Variants in PABPC4L observed in about 807,000 individuals in gnomAD.
The protein encoded by PABPC4L is poly(A) binding protein cytoplasmic 4 like.
For synonymous variants in PABPC4L, 169 were observed against 164.1 expected, an observed-to-expected ratio of 1.03 and a Z score of -0.23; for missense variants, 452 against 451.4, an observed-to-expected ratio of 1.00 and a Z score of -0.01.
chr4:134,164,211 C>T, the PABPC4L span, among the ~76,000 whole-genome samples: 8 of 131,098 alleles, frequency 6.1e-5, no homozygotes, highest in South Asian at 2.5e-4. Context: ...TGCAGTGAGC[C>T]GAGATCCCGC....
the PABPC4L span, among the ~76,000 whole-genome samples, chr4:134,075,988 G>A: frequency 6.6e-6 from 1 of 151,424 alleles, no homozygotes; most frequent in Non-Finnish European, 1.5e-5. Flanking sequence ...AAATGAACAG[G>A]GCAATCATTT....
the PABPC4L span, among the ~76,000 whole-genome samples, chr4:134,069,230 C>T: frequency 2.6e-5 from 4 of 151,690 alleles, no homozygotes; most frequent in African/African-American, 9.7e-5. Context: ...GTAACATGCC[C>T]CTTCTCTCTA....
chr4:134,126,894 C>T, the PABPC4L span, among the ~76,000 whole-genome samples: 2 of 152,102 alleles, frequency 1.3e-5, no homozygotes, highest in Non-Finnish European at 2.9e-5. Flanking sequence ...CTCAGCCCTG[C>T]TCACTGGCTG....
the PABPC4L span, among the ~76,000 whole-genome samples, chr4:134,092,146 C>T: frequency 6.6e-6 from 1 of 152,030 alleles, no homozygotes; most frequent in Non-Finnish European, 1.5e-5. Context: ...GCCCCACTCA[C>T]AAGCCTGGGC....
chr4:134,061,845 A>C, the PABPC4L span, among the ~76,000 whole-genome samples: 5 of 151,840 alleles, frequency 3.3e-5, no homozygotes, highest in Non-Finnish European at 7.4e-5. Flanking sequence ...GAAAAGAAAA[A>C]GAAGAAAGAA....
the PABPC4L span, among the ~76,000 whole-genome samples, chr4:134,144,091 A>C: frequency 1.3e-5 from 2 of 151,600 alleles, no homozygotes; most frequent in Non-Finnish European, 3.0e-5. Flanking sequence ...TCATATCAGA[A>C]TTCAAGACTT....
At chr4:134,033,462 T>C in the PABPC4L span, among the ~76,000 whole-genome samples, 1 of 151,794 alleles carries the variant, frequency 6.6e-6, no homozygotes, top group Non-Finnish European at 1.5e-5. Flanking sequence ...AATAATTAAG[T>C]TTTGTGAGAA....
chr4:134,126,893 G>A, the PABPC4L span, among the ~76,000 whole-genome samples: 1 of 152,096 alleles, frequency 6.6e-6, no homozygotes, highest in Non-Finnish European at 1.5e-5. Flanking sequence ...TCTCAGCCCT[G>A]CTCACTGGCT....
chr4:134,200,103 T>A lies in PABPC4L; in HGVS notation c.917A>T (p.Asp306Val), dbSNP rs1316845884. The change falls in exon 2 of 2, where the codon GAT (aspartate) becomes GTT (valine). Residue 306 changes from aspartate to valine, a missense_variant. Asp to Val is a radical substitution (Grantham distance 152). Coordinates refer to ENST00000421491, the MANE Select transcript of PABPC4L (RefSeq NM_001114734.2). ...YIKNLDDTIDDEKLRNEFSSF... is the reference protein window; with the variant it reads ...YIKNLDDTIDVEKLRNEFSSF... ...AGAAAATTCGTTTCGTAGTTTTTCA[T>A]CATCGATGGTGTCATCAAGGTTCTT... 3 of 1,551,666 alleles carry A rather than the reference T, an allele frequency of 1.9e-6. No individual in the cohort carries two copies. Among genetic ancestry groups the A allele is most frequent in the Non-Finnish European group, 1.7e-6 (2 of 1,146,950 alleles).
At chr4:134,153,367 A>G in the PABPC4L span, among the ~76,000 whole-genome samples, 1 of 151,930 alleles carries the variant, frequency 6.6e-6, no homozygotes, top group Non-Finnish European at 1.5e-5. Flanking sequence ...GTATATATAT[A>G]TATATTTTAA....
the PABPC4L span, among the ~76,000 whole-genome samples, chr4:134,124,587 T>G: frequency 9.3e-4 from 141 of 152,192 alleles, no homozygotes; most frequent in Non-Finnish European, 8.1e-4. Flanking sequence ...CTTTCTATAT[T>G]TTGACTTCAG....
At chr4:134,111,518 G>T in the PABPC4L span, among the ~76,000 whole-genome samples, 1 of 151,846 alleles carries the variant, frequency 6.6e-6, no homozygotes, top group Non-Finnish European at 1.5e-5. Flanking sequence ...CACACATATA[G>T]ACTTCTATTT....
At chr4:134,013,725 C>T in the PABPC4L span, among the ~76,000 whole-genome samples, 1 of 152,038 alleles carries the variant, frequency 6.6e-6, no homozygotes, top group Non-Finnish European at 1.5e-5. Flanking sequence ...CCTCCCAAAT[C>T]TTCCTTCTTT....
chr4:134,170,573 C>A, the PABPC4L span, among the ~76,000 whole-genome samples: 3 of 151,996 alleles, frequency 2.0e-5, no homozygotes, highest in Non-Finnish European at 4.4e-5. Context: ...GAAGGGGGAG[C>A]AAGGTGCCTC....
At chr4:134,024,667 G>T in the PABPC4L span, among the ~76,000 whole-genome samples, 1 of 151,940 alleles carries the variant, frequency 6.6e-6, no homozygotes, top group African/African-American at 2.4e-5. Context: ...TCAAAGAAAT[G>T]AATTCTGGGG....
At chr4:134,067,988 A>G in the PABPC4L span, among the ~76,000 whole-genome samples, 7 of 152,100 alleles carry the variant, frequency 4.6e-5, no homozygotes, top group Non-Finnish European at 7.4e-5. Flanking sequence ...TAAAAAATGT[A>G]TATTTTGTTG....
the PABPC4L span, among the ~76,000 whole-genome samples, chr4:134,129,631 TTTAA>T: frequency 2.0e-5 from 3 of 151,948 alleles, no homozygotes; most frequent in South Asian, 4.2e-4. Context: ...TAAATTTAAG[TTTAA>T]TTAAATTTAA....
the PABPC4L span, among the ~76,000 whole-genome samples, chr4:134,017,025 CT>C: frequency 1.1e-4 from 16 of 152,292 alleles, no homozygotes; most frequent in African/African-American, 3.8e-4. Flanking sequence ...CATTTCTTCC[CT>C]TCTGTCAGAC....
At chr4:134,137,250 T>G in the PABPC4L span, among the ~76,000 whole-genome samples, 1 of 151,914 alleles carries the variant, frequency 6.6e-6, no homozygotes, top group African/African-American at 2.4e-5. Context: ...AAAAAGCAAA[T>G]GATATGTTTC....
Sources: gnomAD v4.1 joint callset for allele counts (sites outside exome capture counted in the v4.1 genomes callset) on GRCh38, gnomAD v4.1.1 for gene constraint, MANE v1.5 for transcripts, NCBI Gene and HGNC (gene_info 2026-07-23, HGNC 2026-07-21) for gene names.